P2RY14: variants seen among roughly 807,000 people sequenced by gnomAD.
P2RY14 encodes the protein purinergic receptor P2Y14.
P2RY14 carries 2 observed loss-of-function variants against 0.9 expected under a neutral mutation model. The ratio of observed to expected loss-of-function variants is 2.16; its 90% CI spans 0.88 to 6.79. P2RY14 has a LOEUF of 6.79. Ranked by LOEUF, P2RY14 falls within the 30% of genes most tolerant of loss-of-function variation. P2RY14 has a pLI of 0.05. For missense variants in P2RY14, 378 were observed against 400.1 expected (o/e 0.94, Z 0.47); for synonymous variants, 158 against 147.2 (o/e 1.07, Z -0.53).
chr3:151,223,189 A>AAC (rs1221049763), intron 1 of P2RY14, among the ~76,000 whole-genome samples: 1 of 150,846 alleles, frequency 6.6e-6, no homozygotes, highest in East Asian at 1.9e-4. Flanking sequence ...AAAAAAAAAA[A>AAC]ACTAGATGTC....
chr3:151,238,569 C>T (rs944121430), intron 1 of P2RY14, among the ~76,000 whole-genome samples: 13 of 152,292 alleles, frequency 8.5e-5, no homozygotes, highest in Admixed American at 2.6e-4. Flanking sequence ...TTTCATCGTG[C>T]TGAAATTTGC....
chr3:151,219,894 C>T (rs1337503596), intron 1 of P2RY14, among the ~76,000 whole-genome samples: 2 of 15,706 alleles, frequency 1.3e-4, no homozygotes, highest in South Asian at 5.0e-3. Flanking sequence ...TTATATTACC[C>T]CCCCCCCCCC....
intron 1 of P2RY14, among the ~76,000 whole-genome samples, chr3:151,263,897 G>A (rs1169198177): frequency 6.6e-6 from 1 of 152,196 alleles, no homozygotes; most frequent in Non-Finnish European, 1.5e-5. Flanking sequence ...TCAGTGCAGG[G>A]TAAAGTGTGG....
chr3:151,269,472 G>A, intron 1 of P2RY14: 1 of 265,024 alleles, frequency 3.8e-6, no homozygotes, highest in Non-Finnish European at 7.3e-6. Flanking sequence ...CAAGCCAGTG[G>A]GGAGATTGTG....
In P2RY14 at chr3:151,253,647, C is replaced by CT. The variant is rs372272782; in HGVS notation, c.-133+24639dup. Among the ~76,000 whole-genome samples the CT allele has an allele frequency of 5.3e-5, 8 of 152,098 alleles. No individual in the cohort carries two copies. The South Asian group carries it at 1.5e-3, about 28-fold the overall frequency. On this transcript the variant is annotated intron_variant, in intron 1 of 2. Coordinates refer to ENST00000309170, the MANE Select transcript of P2RY14 (RefSeq NM_014879.4). ...TGATGGCTGTGTCTTCTGATTTTTT[C>CT]TTTTTTTGTGAGGGGGTGGGTGGGT...
At chr3:151,214,367 C>T (rs764401659) in intron 2 of P2RY14, 27 bp from the exon 3 acceptor site, 2 of 1,475,174 alleles carry the variant, frequency 1.4e-6, no homozygotes, top group African/African-American at 2.8e-5. Context: ...ACTGGTCACT[C>T]ATAGGGCACT....
chr3:151,242,214 C>A (rs1225711057), intron 1 of P2RY14, among the ~76,000 whole-genome samples: 10 of 152,260 alleles, frequency 6.6e-5, no homozygotes, highest in Non-Finnish European at 1.3e-4. Flanking sequence ...CCCGCCATTG[C>A]CCAGGCTTGA....
intron 1 of P2RY14, among the ~76,000 whole-genome samples, chr3:151,252,019 A>G (rs1289022944): frequency 2.6e-5 from 4 of 152,136 alleles, no homozygotes; most frequent in East Asian, 1.9e-4. Context: ...TCTGAGTTCT[A>G]TTTAACCTGT....
At chr3:151,232,182 A>C (rs1731818819) in intron 1 of P2RY14, among the ~76,000 whole-genome samples, 1 of 151,392 alleles carries the variant, frequency 6.6e-6, no homozygotes, top group South Asian at 2.1e-4. Flanking sequence ...ATTCTTGGCC[A>C]TTTTCTTTTC....
chr3:151,260,701 C>T (rs571142891), intron 1 of P2RY14, among the ~76,000 whole-genome samples: 7 of 152,064 alleles, frequency 4.6e-5, no homozygotes, highest in African/African-American at 1.2e-4. Context: ...CAATGCTGAC[C>T]GGCTTTGTTT....
chr3:151,236,070 C>G (rs1367582279), intron 1 of P2RY14, among the ~76,000 whole-genome samples: 15 of 152,142 alleles, frequency 9.9e-5, no homozygotes. Context: ...TTCTTACATA[C>G]AGCCCTTCTT....
intron 1 of P2RY14, among the ~76,000 whole-genome samples, chr3:151,265,761 T>A (rs1464526296): frequency 6.6e-6 from 1 of 152,160 alleles, no homozygotes; most frequent in Non-Finnish European, 1.5e-5. Context: ...GTATAGTATT[T>A]CTGGTTCTGT....
chr3:151,216,162 T>C (rs1330791948), intron 2 of P2RY14, among the ~76,000 whole-genome samples: 1 of 152,228 alleles, frequency 6.6e-6, no homozygotes, highest in Admixed American at 6.5e-5. Flanking sequence ...TTGAATTCTT[T>C]GCATAATATT....
intron 1 of P2RY14, among the ~76,000 whole-genome samples, chr3:151,264,304 G>T (rs1331350539): frequency 1.3e-5 from 2 of 152,216 alleles, no homozygotes; most frequent in Non-Finnish European, 2.9e-5. Flanking sequence ...AAAAGAGTTT[G>T]TGCTCACTTA....
At chr3:151,224,446 CTT>C (rs80099332) in intron 1 of P2RY14, among the ~76,000 whole-genome samples, 30 of 143,006 alleles carry the variant, frequency 2.1e-4, no homozygotes, top group East Asian at 4.0e-4. Flanking sequence ...ATGTTTAACA[CTT>C]TTTTTTTTTT....
At position 151,257,319 on chromosome 3, in the gene P2RY14, G is replaced by A. The variant is rs571831155; in HGVS notation, c.-133+20968C>T. Among the ~76,000 whole-genome samples, 113 of 152,338 alleles carry A rather than the reference G, an allele frequency of 7.4e-4. 1 individual carries two copies. Among genetic ancestry groups the A allele is most frequent in the Non-Finnish European group, 1.3e-3 (87 of 68,028 alleles). Reference sequence around the variant, plus strand: ...CCACTGCGTATTAATCTCTTAGACAGTTGAAACATTTGTTGACCTGTAGTC... The same window carrying A: ...CCACTGCGTATTAATCTCTTAGACAATTGAAACATTTGTTGACCTGTAGTC... On this transcript the variant is annotated intron_variant, in intron 1 of 2. Coordinates refer to ENST00000309170, the MANE Select transcript of P2RY14 (RefSeq NM_014879.4).
chr3:151,218,687 T>C (rs895823642), intron 2 of P2RY14, among the ~76,000 whole-genome samples: 7 of 151,608 alleles, frequency 4.6e-5, no homozygotes, highest in African/African-American at 1.7e-4. Context: ...GCCAACATGA[T>C]GAAACCCTGC....
At chr3:151,261,644 T>TC (rs902132501) in intron 1 of P2RY14, among the ~76,000 whole-genome samples, 3 of 152,124 alleles carry the variant, frequency 2.0e-5, no homozygotes, top group African/African-American at 7.2e-5. Context: ...ACACCTCCAT[T>TC]CCTGAAACTC....
chr3:151,232,444 C>T lies in P2RY14; in HGVS notation c.-132-12802G>A, dbSNP rs141250408. 3.4e-3 allele frequency among the ~76,000 whole-genome samples: 520 copies of T among 152,200 alleles called. 3 individuals carry two copies. The highest frequency in any genetic ancestry group is 0.012 in the African/African-American group (494 of 41,512). ...AGCCATCCCATTACTGGGTATAAAC[C>T]CAGAGGAATAGAAATCATCCTACCA... is the stretch of plus-strand genomic sequence containing the variant. On this transcript the variant is annotated intron_variant, in intron 1 of 2. Transcript: ENST00000309170.
Sources: allele counts gnomAD v4.1 joint callset (sites outside exome capture counted in the v4.1 genomes callset), GRCh38; gene constraint gnomAD v4.1.1; transcripts MANE v1.5; gene names NCBI Gene and HGNC (gene_info 2026-07-23, HGNC 2026-07-21).